IL34: variants seen among roughly 807,000 people sequenced by gnomAD.
IL34 encodes the protein interleukin 34, also known as interleukin-34.
In IL34, 17 loss-of-function variants were observed where a neutral mutation model predicts 25.3. The observed-to-expected ratio is 0.67, with a 90% CI of 0.46 to 1.01. IL34 has a LOEUF of 1.01. Ranked by LOEUF, IL34 falls within the 50% of genes least tolerant of loss-of-function variation. IL34 has a pLI of 0.00. For missense variants in IL34, 368 were observed against 312.9 expected (o/e 1.18, Z -1.33); for synonymous variants, 174 against 140.9 (o/e 1.23, Z -1.66).
chr16:70,605,169 C>T (rs1337808689), intron 1 of IL34, among the ~76,000 whole-genome samples: 1 of 152,028 alleles, frequency 6.6e-6, no homozygotes, highest in Non-Finnish European at 1.5e-5. Context: ...AGCAAAGGAT[C>T]CCGAGAGCCT....
At chr16:70,657,317 C>T (rs1402669544) in intron 4 of IL34, 196 bp downstream of exon 4, 22 of 600,496 alleles carry the variant, frequency 3.7e-5, no homozygotes, top group Non-Finnish European at 4.9e-5. Context: ...CCGTGGTGGT[C>T]ATGAGAGCCG....
intron 1 of IL34, among the ~76,000 whole-genome samples, chr16:70,630,781 C>A (rs898670895): frequency 6.6e-6 from 1 of 152,022 alleles, no homozygotes; most frequent in African/African-American, 2.4e-5. Context: ...CCATGTTGCC[C>A]AGGCTGGCCT....
intron 1 of IL34, among the ~76,000 whole-genome samples, chr16:70,603,090 CCCGTG>C (rs2050942827): frequency 6.6e-6 from 1 of 151,818 alleles, no homozygotes. Flanking sequence ...GGAGCTGGGC[CCCGTG>C]ACTGACATCT....
chr16:70,626,555 C>T (rs1315379353), intron 1 of IL34, among the ~76,000 whole-genome samples: 1 of 152,124 alleles, frequency 6.6e-6, no homozygotes, highest in Non-Finnish European at 1.5e-5. Context: ...CGCCACCACG[C>T]CCGGCTAATT....
intron 1 of IL34, among the ~76,000 whole-genome samples, chr16:70,640,969 C>T (rs981775548): frequency 2.0e-5 from 3 of 152,056 alleles, no homozygotes; most frequent in Non-Finnish European, 2.9e-5. Flanking sequence ...TAGGTATATA[C>T]TCAAGAGAAT....
chr16:70,656,881 G>T (rs2052238183), intron 3 of IL34, 79 bp from the exon 4 acceptor site: 2 of 1,484,866 alleles, frequency 1.3e-6, no homozygotes, highest in East Asian at 2.3e-5. Flanking sequence ...CCTATGCAGG[G>T]GCAAGTCCCT....
chr16:70,643,131 C>T (rs956793238), upstream of IL34, among the ~76,000 whole-genome samples: 1 of 151,142 alleles, frequency 6.6e-6, no homozygotes, highest in South Asian at 2.1e-4. Context: ...GGGACTACCT[C>T]GGCTCACTGC....
Position 70,629,869 on chromosome 16 carries a change from T to C in IL34, c.-400-16679T>C, listed in dbSNP as rs527473121. Among the ~76,000 whole-genome samples the C allele has an allele frequency of 2.9e-4, 44 of 149,432 alleles. No homozygotes were observed. In the Middle Eastern group the frequency reaches 0.014, roughly 47 times the overall value. ...TATCTTTTGTGTTATGATTCAGTTA[T>C]ACTGTTTCAGTAATTAAAAAATGTA... On this transcript the variant is annotated intron_variant, in intron 1 of 6. Coordinates refer to the IL34 transcript ENST00000429149.
At chr16:70,655,964 CAA>C (rs903927510) in intron 2 of IL34, among the ~76,000 whole-genome samples, 9 of 152,310 alleles carry the variant, frequency 5.9e-5, no homozygotes, top group Admixed American at 2.6e-4. Flanking sequence ...GTGCACAACT[CAA>C]AGAGTTTTTA....
intron 1 of IL34, among the ~76,000 whole-genome samples, chr16:70,614,229 C>A (rs929888729): frequency 2.0e-5 from 3 of 151,448 alleles, no homozygotes; most frequent in African/African-American, 7.3e-5. Flanking sequence ...CTACCCCAGA[C>A]TTTCTGAGTG....
chr16:70,640,107 G>A (rs2051746283), intron 1 of IL34, among the ~76,000 whole-genome samples: 1 of 152,124 alleles, frequency 6.6e-6, no homozygotes, highest in African/African-American at 2.4e-5. Context: ...ATTAGGTACT[G>A]TACATAATTG....
chr16:70,657,703 A>T (rs2151885240), intron 4 of IL34, among the ~76,000 whole-genome samples: 1 of 152,284 alleles, frequency 6.6e-6, no homozygotes, highest in African/African-American at 2.4e-5. Flanking sequence ...TGAACCTGGG[A>T]GGCAGAGGTT....
At chr16:70,656,728 G>GGT (rs749645168) in intron 3 of IL34, 49 bp downstream of exon 3, 5 of 1,010,402 alleles carry the variant, frequency 4.9e-6, no homozygotes, top group Non-Finnish European at 7.9e-6. Flanking sequence ...TGCGACATCC[G>GGT]GTGGGCCCCA....
intron 1 of IL34, among the ~76,000 whole-genome samples, chr16:70,624,538 A>G (rs2051349332): frequency 6.6e-6 from 1 of 152,178 alleles, no homozygotes; most frequent in Non-Finnish European, 1.5e-5. Flanking sequence ...CTAGGGCTGT[A>G]AAGCGTCTCA....
At chr16:70,644,896 AAGG>A (rs766412981), upstream of IL34, among the ~76,000 whole-genome samples, 13 of 122,384 alleles carry the variant, frequency 1.1e-4, no homozygotes, top group Non-Finnish European at 2.0e-4. Context: ...GTGGAAGAGG[AAGG>A]AGGAAGAGGA....
At chr16:70,658,070 A>C (rs1041680903) in intron 4 of IL34, among the ~76,000 whole-genome samples, 1 of 151,948 alleles carries the variant, frequency 6.6e-6, no homozygotes, top group South Asian at 2.1e-4. Flanking sequence ...TCTCCACCAG[A>C]CCTCCTCAGG....
At chr16:70,594,943 C>G (rs1285037937) in intron 1 of IL34, among the ~76,000 whole-genome samples, 1 of 147,720 alleles carries the variant, frequency 6.8e-6, no homozygotes. Context: ...TTATCTCTCT[C>G]TCTCTCTCTC....
upstream of IL34, among the ~76,000 whole-genome samples, chr16:70,644,929 A>G (rs1567460961): frequency 3.3e-4 from 12 of 36,106 alleles, no homozygotes; most frequent in African/African-American, 9.1e-4. Context: ...AGGAGGAGGA[A>G]GGAGGAAGAG....
chr16:70,638,758 T>A (rs1217807321), intron 1 of IL34, among the ~76,000 whole-genome samples: 1 of 152,110 alleles, frequency 6.6e-6, no homozygotes, highest in Non-Finnish European at 1.5e-5. Context: ...AAAAAAAAAT[T>A]ATTTGTAGAG....
Sources: gnomAD v4.1 joint callset for allele counts (sites outside exome capture counted in the v4.1 genomes callset) on GRCh38, gnomAD v4.1.1 for gene constraint, MANE v1.5 for transcripts, NCBI Gene and HGNC (gene_info 2026-07-23, HGNC 2026-07-21) for gene names.